Variants in DNAH7 observed in about 807,000 individuals in gnomAD.
DNAH7 encodes the protein axonemal beta dynein heavy chain 7.
Under a neutral mutation model 444.6 loss-of-function variants are expected in DNAH7, and 397 were observed. That is an observed-to-expected ratio of 0.89 (90% CI 0.82 to 0.97). The LOEUF is 0.97. Ranked by LOEUF, DNAH7 falls within the 50% of genes least tolerant of loss-of-function variation. The probability of loss-of-function intolerance (pLI) is 0.00; values close to 1 mark genes in which losing one functional copy is unlikely to be tolerated. For synonymous variants in DNAH7, 1,636 were observed against 1,624.4 expected (o/e 1.01, Z -0.17); for missense variants, 4,902 against 4,800.8 (o/e 1.02, Z -0.62).
At chr2:195,756,367 A>C in intron 61 of DNAH7, 82 bp from the exon 62 acceptor site, 1 of 1,199,972 alleles carries the variant, frequency 8.3e-7, no homozygotes, top group Non-Finnish European at 1.1e-6. Flanking sequence ...TACCTCCTTC[A>C]TGATTATCCT....
chr2:195,921,329 G>A (rs1319927720), intron 24 of DNAH7, among the ~76,000 whole-genome samples: 3 of 149,340 alleles, frequency 2.0e-5, no homozygotes, highest in Admixed American at 6.8e-5. Context: ...ATCAGTCAAT[G>A]AGTGGATAAA....
At chr2:195,961,496 G>A (rs747479657) in intron 17 of DNAH7, among the ~76,000 whole-genome samples, 2 of 147,620 alleles carry the variant, frequency 1.4e-5, no homozygotes, top group South Asian at 2.1e-4. Context: ...TGTGGTATTT[G>A]TCTTTCTGTG....
chr2:195,960,539 G>A lies in DNAH7; in HGVS notation c.2612C>T (p.Ser871Phe). 6.2e-7 allele frequency: 1 copy of A among 1,614,226 alleles called. No individual in the cohort carries two copies. ...CATGTCTAAAAAAGAGGAGACTGTGGAGTCATCTGATGGCTGCAAAGGGTA... is the reference window on the plus strand; with the variant it reads ...CATGTCTAAAAAAGAGGAGACTGTGAAGTCATCTGATGGCTGCAAAGGGTA... ...VGYPLQPSDD[S>F]TVSSFLDMNL... The change falls in exon 18 of 65, where the codon TCC becomes TTC. Residue 871 changes from serine to phenylalanine, a missense_variant. By Grantham distance (155) the Ser-to-Phe change is radical. Transcript: ENST00000312428.
chr2:196,050,239 C>T (rs1045599350), intron 3 of DNAH7, among the ~76,000 whole-genome samples: 9 of 151,548 alleles, frequency 5.9e-5, no homozygotes, highest in South Asian at 2.1e-4. Context: ...ATAAGCCAGG[C>T]ATAAAAGGAC....
In DNAH7 at chr2:195,754,308, G is replaced by A; in HGVS notation, c.11764+29C>T. On this transcript the variant is annotated intron_variant, in intron 63 of 64. Coordinates refer to ENST00000312428, the MANE Select transcript of DNAH7 (RefSeq NM_018897.3). Reference sequence around the variant, plus strand: ...ATGTTTTTGTTCAGTGCCCAGATATGAGCCGACTCATTCTGTCCCTGCACT... The same window carrying A: ...ATGTTTTTGTTCAGTGCCCAGATATAAGCCGACTCATTCTGTCCCTGCACT... 5 of 1,598,768 alleles carry A rather than the reference G, an allele frequency of 3.1e-6. 1 individual carries two copies. In the South Asian group the frequency reaches 5.6e-5, roughly 18 times the overall value.
chr2:195,866,396 T>C (rs543344082), intron 40 of DNAH7, among the ~76,000 whole-genome samples: 213 of 152,294 alleles, frequency 1.4e-3, no homozygotes, highest in African/African-American at 5.1e-3. Context: ...TTATTTAAAC[T>C]TCCTTCTTAT....
intron 15 of DNAH7, among the ~76,000 whole-genome samples, chr2:195,978,851 G>A (rs1263337144): frequency 1.3e-5 from 2 of 152,058 alleles, no homozygotes; most frequent in African/African-American, 4.8e-5. Context: ...AATGATATAG[G>A]GGCTGATTCA....
At position 195,871,706 on chromosome 2, in the gene DNAH7, C is replaced by CAAA. The variant is rs1408570659; in HGVS notation, c.6633+543_6633+544insTTT. Reference sequence around the variant, plus strand: ...AAGGATTAAACTACTTAAGGGAAGGCGGATCACGAGGTCAGGAGATCGAGA... The same window carrying CAAA: ...AAGGATTAAACTACTTAAGGGAAGGCAAAGGATCACGAGGTCAGGAGATCGAGA... On this transcript the variant is annotated intron_variant, in intron 40 of 64. Coordinates refer to ENST00000312428, the MANE Select transcript of DNAH7 (RefSeq NM_018897.3). Among the ~76,000 whole-genome samples the CAAA allele has an allele frequency of 1.3e-3, 113 of 87,274 alleles. 3 individuals carry two copies. The highest frequency in any genetic ancestry group is 5.6e-3 in the African/African-American group (44 of 7,820). The allele number at this position is 87,274 out of a possible 152,430, so 57.3% of individuals were successfully genotyped here. A position where few individuals can be genotyped will look rare whatever the true frequency, so the allele number is the denominator to read the frequency against.
Position 195,926,553 on chromosome 2 carries a change from G to C in DNAH7, c.3485C>G (p.Ala1162Gly), listed in dbSNP as rs1176101611. The C allele has an allele frequency of 6.3e-7, 1 of 1,593,546 alleles. No individual in the cohort carries two copies. The highest frequency in any genetic ancestry group is 2.3e-5 in the East Asian group (1 of 43,480). ...TTCATATTTTGTATAGGCAAAAGTT[G>C]CATCTCCAGTTACCTAATCAAAAAA... ...INSIHKVTGD[A>G]TFAYTKYERI... is the part of the protein sequence containing the mutation. The change falls in exon 22 of 65, where the codon GCA (alanine) becomes GGA (glycine). Residue 1162 changes from alanine (A) to glycine (G), a missense_variant. Coordinates refer to ENST00000312428, the MANE Select transcript of DNAH7 (RefSeq NM_018897.3).
chr2:195,987,841 A>C, intron 13 of DNAH7, 116 bp downstream of exon 13: 1 of 1,042,558 alleles, frequency 9.6e-7, no homozygotes, highest in Non-Finnish European at 1.4e-6. Flanking sequence ...CTCAATAAAT[A>C]TTTTTCCTGT....
chr2:195,769,056 T>C (rs1694722411), intron 61 of DNAH7, among the ~76,000 whole-genome samples: 2 of 152,150 alleles, frequency 1.3e-5, no homozygotes, highest in Admixed American at 6.5e-5. Context: ...GTCACAGATA[T>C]CATGTCAAGT....
chr2:196,047,321 T>C, intron 5 of DNAH7, 31 bp downstream of exon 5: 1 of 1,507,158 alleles, frequency 6.6e-7, no homozygotes. Flanking sequence ...CTAACATGGG[T>C]AACACGTAAT....
intron 41 of DNAH7, among the ~76,000 whole-genome samples, chr2:195,863,728 T>C (rs1386219319): frequency 6.6e-6 from 1 of 152,204 alleles, no homozygotes; most frequent in Non-Finnish European, 1.5e-5. Flanking sequence ...CTCTAAGCTC[T>C]GACTTTCATA....
At chr2:196,055,129 G>A (rs1333936876) in intron 2 of DNAH7, among the ~76,000 whole-genome samples, 3 of 152,184 alleles carry the variant, frequency 2.0e-5, no homozygotes, top group South Asian at 2.1e-4. Context: ...GCCAAGGCAG[G>A]AGGATCACTA....
chr2:195,813,272 A>G (rs1697055273), intron 51 of DNAH7, among the ~76,000 whole-genome samples: 1 of 152,252 alleles, frequency 6.6e-6, no homozygotes, highest in South Asian at 2.1e-4. Flanking sequence ...GTTGAAAATA[A>G]GGAGAGAGAT....
chr2:195,989,743 G>A (rs536727529), intron 12 of DNAH7, among the ~76,000 whole-genome samples: 1 of 152,216 alleles, frequency 6.6e-6, no homozygotes, highest in Admixed American at 6.5e-5. Flanking sequence ...AAGTTCTCAT[G>A]AGATCTGGTC....
intron 19 of DNAH7, among the ~76,000 whole-genome samples, chr2:195,954,015 C>A (rs983293161): frequency 6.6e-6 from 1 of 152,006 alleles, no homozygotes; most frequent in Non-Finnish European, 1.5e-5. Flanking sequence ...GAAAGACAAT[C>A]GAGTCTTTTT....
At position 195,858,819 on chromosome 2, in the gene DNAH7, A is replaced by G. The variant is rs371042818; in HGVS notation, c.7737-15T>C. The G allele has an allele frequency of 1.8e-5, 28 of 1,584,448 alleles. No homozygotes were observed. The highest frequency in any genetic ancestry group is 1.7e-6 in the Non-Finnish European group (2 of 1,166,418). On this transcript the variant is annotated splice_polypyrimidine_tract_variant and intron_variant, in intron 42 of 64. Coordinates refer to ENST00000312428, the MANE Select transcript of DNAH7 (RefSeq NM_018897.3). Reference sequence around the variant, plus strand: ...TCATTACTTCACTGGAAGGAAATAGATAAAACAAAGTTAATCATGAGGCTC... The same window carrying G: ...TCATTACTTCACTGGAAGGAAATAGGTAAAACAAAGTTAATCATGAGGCTC...
At position 195,834,282 on chromosome 2, in the gene DNAH7, A is replaced by G; in HGVS notation, c.9024T>C (p.Asn3008=). 6.2e-7 allele frequency: 1 copy of G among 1,609,406 alleles called. No homozygotes were observed. The highest frequency in any genetic ancestry group is 8.5e-7 in the Non-Finnish European group (1 of 1,176,096). The change falls in exon 48 of 65, where the codon AAT becomes AAC. Residue 3008 remains asparagine (N), a synonymous_variant. Transcript: ENST00000312428. ...NKWIKNMEKA[N]SLYVIKLSEP... ...CACTAAGTTTAATCACATAAAGACT[A>G]TTGGCTTTTTCCATGTTCTTGATCC...
Sources: gnomAD v4.1 joint callset for allele counts (sites outside exome capture counted in the v4.1 genomes callset) on GRCh38, gnomAD v4.1.1 for gene constraint, MANE v1.5 for transcripts, NCBI Gene and HGNC (gene_info 2026-07-23, HGNC 2026-07-21) for gene names.